The following CYP2F1 variants were observed in gnomAD, a reference collection of about 807,000 sequenced individuals.
CYP2F1 encodes the protein cytochrome P450 2F1.
CYP2F1 carries 33 observed loss-of-function variants against 40.4 expected under a neutral mutation model. That is an observed-to-expected ratio of 0.82 (90% CI 0.62 to 1.09). The LOEUF (loss-of-function observed/expected upper bound fraction) is 1.09, where lower values mean the gene tolerates loss of function less well. Among genes scored for constraint, CYP2F1 ranks in the 50% least tolerant of loss-of-function variants. CYP2F1 has a pLI of 0.00. For synonymous variants in CYP2F1, 235 were observed against 277.2 expected, an observed-to-expected ratio of 0.85 and a Z score of 1.51; for missense variants, 566 against 655.7, an observed-to-expected ratio of 0.86 and a Z score of 1.49.
chr19:41,125,786 T>C (rs2032521451), intron 9 of CYP2F1, 152 bp downstream of exon 9: 2 of 1,513,004 alleles, frequency 1.3e-6, no homozygotes, highest in Non-Finnish European at 1.8e-6. Flanking sequence ...TCTGCTCCTA[T>C]AGGCAAGTAG....
chr19:41,125,681 T>C (rs757678758), intron 9 of CYP2F1, 47 bp downstream of exon 9: 1 of 1,613,938 alleles, frequency 6.2e-7, no homozygotes, highest in Non-Finnish European at 8.5e-7. Context: ...CTACCTACAT[T>C]CCTCACCCTA....
intron 9 of CYP2F1, among the ~76,000 whole-genome samples, chr19:41,126,683 G>T (rs2032557980): frequency 6.6e-6 from 1 of 152,030 alleles, no homozygotes; most frequent in Non-Finnish European, 1.5e-5. Context: ...GAGCTCAGGA[G>T]TTTGAGGTTA....
Position 41,125,600 on chromosome 19 carries a change from CAAG to C in CYP2F1, c.1265_1267del (p.Lys422del). The C allele has an allele frequency of 3.7e-6, 6 of 1,612,190 alleles. No individual in the cohort carries two copies. Among genetic ancestry groups the C allele is most frequent in the Non-Finnish European group, 5.1e-6 (6 of 1,179,070 alleles). ...ATTTTTTGGATGCCAATCAGTCCTT[CAAG>C]AAGAGTCCAGCCTTCATGCCCTTCT... is the stretch of plus-strand genomic sequence containing the variant. On this transcript the variant is annotated inframe_deletion, in exon 9 of 10. Transcript: ENST00000331105.
intron 3 of CYP2F1, among the ~76,000 whole-genome samples, chr19:41,119,873 G>A (rs905724371): frequency 2.7e-5 from 4 of 150,600 alleles, no homozygotes; most frequent in South Asian, 4.2e-4. Context: ...CCCGGGAGGC[G>A]GAGGGTGCAG....
chr19:41,119,250 T>C (rs979533783), intron 3 of CYP2F1, among the ~76,000 whole-genome samples: 1 of 152,180 alleles, frequency 6.6e-6, no homozygotes, highest in African/African-American at 2.4e-5. Context: ...GTCTGTTTTG[T>C]TCCTGGATGA....
rs1249199732 is a variant in CYP2F1, at chr19:41,123,197, G to T, written c.964+234G>T. On this transcript the variant is annotated intron_variant, in intron 7 of 9. Transcript: ENST00000331105. ...CACCCGCTTAATTGTTGGTTTTTTT[G>T]TCTTTGTTTTGTTTTTTGGAGACGG... The T allele has an allele frequency of 6.2e-6, 4 of 649,524 alleles. No individual in the cohort carries two copies. The East Asian group carries it at 9.2e-5, about 15-fold the overall frequency. The allele number at this position is 649,524 out of a possible 1,614,324, so 40.2% of individuals were successfully genotyped here.
chr19:41,128,168 C>T lies in CYP2F1; in HGVS notation c.*86C>T, dbSNP rs12461414. The T allele has an allele frequency of 0.044, 58,512 of 1,337,446 alleles. 2,162 individuals carry two copies. The highest frequency in any genetic ancestry group is 0.11 in the Admixed American group (4,911 of 44,212). 82.8% of individuals were successfully genotyped at this position (1,337,446 alleles called of 1,614,324 possible). On this transcript the variant is annotated 3_prime_UTR_variant, in exon 10 of 10. Coordinates refer to ENST00000331105, the MANE Select transcript of CYP2F1 (RefSeq NM_000774.5). Reference sequence around the variant, plus strand: ...TCCCCTTCTTGGTCCACAGTCTGCCCTCATCCCTCTGGCAGTCACGCTGTC... The same window carrying T: ...TCCCCTTCTTGGTCCACAGTCTGCCTTCATCCCTCTGGCAGTCACGCTGTC...
Position 41,124,774 on chromosome 19 carries a change from G to A in CYP2F1, c.1020G>A (p.Leu340=). 1 of 1,609,144 alleles carries A rather than the reference G, an allele frequency of 6.2e-7. No homozygotes were observed. Among genetic ancestry groups the A allele is most frequent in the Non-Finnish European group, 8.5e-7 (1 of 1,179,550 alleles). The change falls in exon 8 of 10, where the codon CTG becomes CTA. Residue 340 remains leucine (L), a synonymous_variant. Transcript: ENST00000331105. ...TGGGACGCGCGCGGCTGCCGGCGCT[G>A]AAGGACCGCGCGGCCATGCCTTACA... is the stretch of plus-strand genomic sequence containing the variant. ...LVVGRARLPA[L]KDRAAMPYTD...
chr19:41,124,706 G>A lies in CYP2F1; in HGVS notation c.965-13G>A, dbSNP rs1420501777. 3.1e-6 allele frequency: 5 copies of A among 1,596,800 alleles called. No homozygotes were observed. Among genetic ancestry groups the A allele is most frequent in the Non-Finnish European group, 3.4e-6 (4 of 1,177,466 alleles). On this transcript the variant is annotated splice_polypyrimidine_tract_variant and intron_variant, in intron 7 of 9. Transcript: ENST00000331105. ...GCTGATACCCTCGACCCCGCTTCCC[G>A]CTTCCTCTCCAGCCCGCGTGCAGGA...
chr19:41,120,533 C>G (rs777335174), intron 4 of CYP2F1, 37 bp downstream of exon 4: 16 of 1,397,456 alleles, frequency 1.1e-5, no homozygotes, highest in Non-Finnish European at 1.5e-5. Context: ...ATGGCACGAT[C>G]TTTTTTTTTT....
chr19:41,119,723 C>CTCTCTCTCTATATATATATA (rs1478574507), intron 3 of CYP2F1, among the ~76,000 whole-genome samples: 2 of 35,804 alleles, frequency 5.6e-5, no homozygotes, highest in Non-Finnish European at 1.0e-4. Context: ...CTCTCTCTCT[C>CTCTCTCTCTATATATATATA]TATATATATA....
In CYP2F1 at chr19:41,124,719, C is replaced by A. The variant is rs1326537421; in HGVS notation, c.965C>A (p.Ala322Asp). The change falls in exon 8 of 10, where the codon GCC becomes GAC. Residue 322 changes from alanine (A) to aspartate (D), a missense_variant and splice_region_variant. By Grantham distance (126) the Ala-to-Asp change is moderately radical. Coordinates refer to ENST00000331105, the MANE Select transcript of CYP2F1 (RefSeq NM_000774.5). ...LALMKYPKVQARVQEEIDLVV... is the reference protein window; with the variant it reads ...LALMKYPKVQDRVQEEIDLVV... ...ACCCCGCTTCCCGCTTCCTCTCCAG[C>A]CCGCGTGCAGGAGGAGATCGACCTC... 1 of 1,599,996 alleles carries A rather than the reference C, an allele frequency of 6.3e-7. No homozygotes were observed. The highest frequency in any genetic ancestry group is 8.5e-7 in the Non-Finnish European group (1 of 1,178,586).
At chr19:41,116,066 CCTT>C in intron 1 of CYP2F1, 109 bp from the exon 2 acceptor site, 2 of 1,023,788 alleles carry the variant, frequency 2.0e-6, no homozygotes, top group Non-Finnish European at 2.8e-6. Context: ...CTCCCTGTCT[CCTT>C]CTCTCCATCT....
intron 4 of CYP2F1, 63 bp from the exon 5 acceptor site, chr19:41,121,395 C>T (rs2144754114): frequency 1.1e-5 from 16 of 1,483,868 alleles, no homozygotes; most frequent in Non-Finnish European, 1.5e-5. Flanking sequence ...AATGGTGTTG[C>T]TGCATGAGGT....
intron 1 of CYP2F1, among the ~76,000 whole-genome samples, chr19:41,115,405 A>G (rs1194772872): frequency 1.3e-5 from 2 of 151,460 alleles, no homozygotes; most frequent in Non-Finnish European, 2.9e-5. Flanking sequence ...TCTCTAGTCT[A>G]TGTCAGCCTC....
chr19:41,123,949 C>A (rs1265776357), intron 7 of CYP2F1, among the ~76,000 whole-genome samples: 1 of 152,116 alleles, frequency 6.6e-6, no homozygotes, highest in Non-Finnish European at 1.5e-5. Flanking sequence ...TCCCATGCAG[C>A]CTGGCCCACA....
In CYP2F1 at chr19:41,121,963, G is replaced by C. The variant is rs305974; in HGVS notation, c.652G>C (p.Asp218His). ...TACTCTGTCTGGTCCCCAGTTGTACGACATCTTCCCGAGCCTCCTGGACTG... is the reference window on the plus strand; with the variant it reads ...TACTCTGTCTGGTCCCCAGTTGTACCACATCTTCCCGAGCCTCCTGGACTG... ...IMSSPWGELY[D>H]IFPSLLDWVP... The change falls in exon 6 of 10, where the codon GAC becomes CAC. Residue 218 changes from aspartate (D) to histidine (H), a missense_variant. Around this residue, in one of 5 missense-constraint regions of CYP2F1, gnomAD observed 264 missense variants for 275.7 expected, o/e 0.96. Transcript: ENST00000331105. 3 of 1,601,870 alleles carry C rather than the reference G, an allele frequency of 1.9e-6. No homozygotes were observed. In the Admixed American group the frequency reaches 5.0e-5, roughly 27 times the overall value.
intron 3 of CYP2F1, among the ~76,000 whole-genome samples, chr19:41,118,000 C>T (rs887870840): frequency 1.3e-5 from 2 of 152,076 alleles, no homozygotes; most frequent in Non-Finnish European, 2.9e-5. Context: ...CAGACACCTG[C>T]CACCATGCCC....
intron 1 of CYP2F1, 32 bp from the exon 2 acceptor site, chr19:41,116,146 C>G: frequency 6.5e-7 from 1 of 1,547,932 alleles, no homozygotes; most frequent in East Asian, 2.3e-5. Context: ...TCAGCGATGT[C>G]CTCTCCCACT....
Sources: gnomAD v4.1 joint callset for allele counts (sites outside exome capture counted in the v4.1 genomes callset) on GRCh38, gnomAD v4.1.1 for gene constraint, gnomAD v4.1.1 regional missense constraint, MANE v1.5 for transcripts, NCBI Gene and HGNC (gene_info 2026-07-23, HGNC 2026-07-21) for gene names.